Variants in HTR1F observed in about 807,000 individuals in gnomAD.
The protein encoded by HTR1F is 5-hydroxytryptamine (serotonin) receptor 1F, G protein-coupled.
Under a neutral mutation model 24.0 loss-of-function variants are expected in HTR1F, and 17 were observed. That is an observed-to-expected ratio of 0.71 (90% confidence interval 0.48 to 1.06). HTR1F has a LOEUF of 1.06. Among genes scored for constraint, HTR1F ranks in the 50% least tolerant of loss-of-function variants. The pLI, the probability that HTR1F is intolerant of heterozygous loss-of-function variation, is 0.00. For synonymous variants in HTR1F, 186 were observed against 156.8 expected (o/e 1.19, Z -1.39); for missense variants, 391 against 427.8 (o/e 0.91, Z 0.76).
At chr3:87,981,077 G>A (rs1234307908) in intron 2 of HTR1F, among the ~76,000 whole-genome samples, 1 of 152,182 alleles carries the variant, frequency 6.6e-6, no homozygotes, top group Non-Finnish European at 1.5e-5. Context: ...GCTCCCTGAA[G>A]TGCACAGCCC....
At chr3:87,837,151 A>G (rs1444643751) in intron 2 of HTR1F, among the ~76,000 whole-genome samples, 3 of 152,030 alleles carry the variant, frequency 2.0e-5, no homozygotes, top group African/African-American at 4.8e-5. Flanking sequence ...GCTTTTTTTT[A>G]GTTGCAATTA....
At chr3:87,958,960 T>C (rs1037642462) in intron 2 of HTR1F, among the ~76,000 whole-genome samples, 1 of 151,782 alleles carries the variant, frequency 6.6e-6, no homozygotes, top group Non-Finnish European at 1.5e-5. Context: ...GATTGTCAGA[T>C]CCATATTGTC....
chr3:87,851,862 A>G (rs1705093769), intron 2 of HTR1F, among the ~76,000 whole-genome samples: 1 of 151,494 alleles, frequency 6.6e-6, no homozygotes, highest in South Asian at 2.1e-4. Context: ...ATGTTACATT[A>G]GGATTAGAAG....
chr3:87,919,840 C>A (rs1169934188), intron 2 of HTR1F, among the ~76,000 whole-genome samples: 1 of 151,874 alleles, frequency 6.6e-6, no homozygotes, highest in African/African-American at 2.4e-5. Flanking sequence ...AGTAGAACCA[C>A]CATTTGATCC....
chr3:87,820,414 G>T, intron 1 of HTR1F, among the ~76,000 whole-genome samples: 1 of 151,676 alleles, frequency 6.6e-6, no homozygotes, highest in Admixed American at 6.6e-5. Flanking sequence ...CTGACCTCGT[G>T]ATCCGCCCGC....
At chr3:87,809,631 T>C (rs1470388171) in intron 1 of HTR1F, among the ~76,000 whole-genome samples, 1 of 152,020 alleles carries the variant, frequency 6.6e-6, no homozygotes, top group Non-Finnish European at 1.5e-5. Context: ...CATTCCATAT[T>C]CTTATGTTAT....
chr3:87,936,314 A>G (rs1704413808), intron 2 of HTR1F, among the ~76,000 whole-genome samples: 1 of 152,246 alleles, frequency 6.6e-6, no homozygotes, highest in African/African-American at 2.4e-5. Context: ...CTTTTTAAAT[A>G]TAGGAAGTTA....
rs149585799 is a variant in HTR1F, at chr3:87,862,769, C to T, written c.-43+40645C>T. On this transcript the variant is annotated intron_variant, in intron 2 of 2. Coordinates refer to ENST00000319595, the MANE Select transcript of HTR1F (RefSeq NM_001322209.2). ...TTTTCTTTAATTTTTCTATTTTTGA[C>T]TTCTGATGAAATGGCTAATCTGACT... 3.9e-3 allele frequency among the ~76,000 whole-genome samples: 593 copies of T among 152,026 alleles called. 7 individuals are homozygous for T. The highest frequency in any genetic ancestry group is 0.014 in the African/African-American group (569 of 41,502).
chr3:87,944,255 G>T (rs1475030630), intron 2 of HTR1F, among the ~76,000 whole-genome samples: 1 of 152,172 alleles, frequency 6.6e-6, no homozygotes, highest in Non-Finnish European at 1.5e-5. Flanking sequence ...TCCCCATCAA[G>T]ATGCATTCCC....
At chr3:87,898,665 C>G (rs1232777812) in intron 2 of HTR1F, among the ~76,000 whole-genome samples, 1 of 151,198 alleles carries the variant, frequency 6.6e-6, no homozygotes, top group Non-Finnish European at 1.5e-5. Context: ...GCAGATATAA[C>G]TAGTTAGATA....
At chr3:87,894,559 CTTTTTTT>C (rs35190252) in intron 2 of HTR1F, among the ~76,000 whole-genome samples, 5 of 74,658 alleles carry the variant, frequency 6.7e-5, no homozygotes, top group South Asian at 4.6e-4. Context: ...TGCCCAGCCT[CTTTTTTT>C]TTTTTTTTTT....
At chr3:87,827,298 T>A (rs1288221955) in intron 2 of HTR1F, among the ~76,000 whole-genome samples, 1 of 152,022 alleles carries the variant, frequency 6.6e-6, no homozygotes, top group East Asian at 1.9e-4. Context: ...CCTCCCTGTG[T>A]CCATGTGTTG....
intron 2 of HTR1F, among the ~76,000 whole-genome samples, chr3:87,864,648 C>A (rs1575961156): frequency 6.6e-6 from 1 of 152,020 alleles, no homozygotes; most frequent in Non-Finnish European, 1.5e-5. Context: ...GTAATCCCAG[C>A]AATTTGGGAG....
At position 87,890,834 on chromosome 3, in the gene HTR1F, C is replaced by A. The variant is rs567758567; in HGVS notation, c.-43+68710C>A. ...AGCACTCCCTGATTTGACTACAAGT[C>A]AATTATTTCTTTTTTTTTTTTTTTT... On this transcript the variant is annotated intron_variant, in intron 2 of 2. Coordinates refer to ENST00000319595, the MANE Select transcript of HTR1F (RefSeq NM_001322209.2). 1.9e-3 allele frequency among the ~76,000 whole-genome samples: 285 copies of A among 147,892 alleles called. 1 individual carries two copies. Among genetic ancestry groups the A allele is most frequent in the African/African-American group, 6.9e-3 (269 of 39,224 alleles).
At chr3:87,958,925 C>G (rs1705003186) in intron 2 of HTR1F, among the ~76,000 whole-genome samples, 1 of 151,736 alleles carries the variant, frequency 6.6e-6, no homozygotes, top group Non-Finnish European at 1.5e-5. Context: ...GGTACTCCAT[C>G]TTCCTCATCT....
intron 2 of HTR1F, among the ~76,000 whole-genome samples, chr3:87,972,697 G>T (rs1425368217): frequency 3.9e-5 from 6 of 152,058 alleles, no homozygotes; most frequent in Admixed American, 2.0e-4. Flanking sequence ...TCCACTAGTT[G>T]CCCATCGAGT....
intron 2 of HTR1F, among the ~76,000 whole-genome samples, chr3:87,956,727 TATG>T (rs1352645234): frequency 6.6e-6 from 1 of 151,422 alleles, no homozygotes; most frequent in Non-Finnish European, 1.5e-5. Context: ...CCAAGTACTT[TATG>T]ATTTTAGTGT....
intron 2 of HTR1F, among the ~76,000 whole-genome samples, chr3:87,907,131 G>A (rs1249079634): frequency 6.6e-6 from 1 of 151,744 alleles, no homozygotes. Context: ...CATAGTGGTT[G>A]TACTAGTTTA....
intron 2 of HTR1F, among the ~76,000 whole-genome samples, chr3:87,917,431 C>T (rs1287630257): frequency 6.7e-6 from 1 of 148,800 alleles, no homozygotes; most frequent in Non-Finnish European, 1.5e-5. Context: ...GAAGCTGGTT[C>T]TTTGGAAAGG....
Sources: gnomAD v4.1 joint callset for allele counts (sites outside exome capture counted in the v4.1 genomes callset) on GRCh38, gnomAD v4.1.1 for gene constraint, MANE v1.5 for transcripts, NCBI Gene and HGNC (gene_info 2026-07-23, HGNC 2026-07-21) for gene names.